Variants in CECR2 observed in about 807,000 individuals in gnomAD.
CECR2 encodes CECR2 histone acetyl-lysine reader, also known as chromatin remodeling regulator CECR2.
Under a neutral mutation model 154.5 loss-of-function variants are expected in CECR2, and 30 were observed. That is an observed-to-expected ratio of 0.19 (90% confidence interval 0.15 to 0.26). The LOEUF is 0.26. Ranked by LOEUF, CECR2 falls within the 10% of genes least tolerant of loss-of-function variation. The pLI, the probability that CECR2 is intolerant of heterozygous loss-of-function variation, is 1.00. For missense variants in CECR2, 1,743 were observed against 1,829.3 expected (o/e 0.95, Z 0.86); for synonymous variants, 725 against 683.7 (o/e 1.06, Z -0.94).
At chr22:17,389,357 G>C (rs575693841) in intron 1 of CECR2, among the ~76,000 whole-genome samples, 14 of 152,262 alleles carry the variant, frequency 9.2e-5, no homozygotes, top group Admixed American at 3.9e-4. Flanking sequence ...CTGCCTGCCT[G>C]TCCGGCTAGC....
chr22:17,521,592 T>G (rs1190856515), intron 8 of CECR2, among the ~76,000 whole-genome samples: 2 of 151,934 alleles, frequency 1.3e-5, no homozygotes. Context: ...TTCATGGGGT[T>G]GTTTGATTTT....
At chr22:17,442,489 T>A (rs1263817093) in intron 1 of CECR2, among the ~76,000 whole-genome samples, 2 of 152,250 alleles carry the variant, frequency 1.3e-5, no homozygotes, top group African/African-American at 4.8e-5. Context: ...GGCAGGAGGA[T>A]CACTGGAGCC....
chr22:17,424,696 C>G (rs551734292), intron 1 of CECR2: 5 of 160,296 alleles, frequency 3.1e-5, no homozygotes, highest in African/African-American at 9.6e-5. Flanking sequence ...TGTGGAAATG[C>G]ACCTGCAGCT....
Position 17,537,241 on chromosome 22 carries a change from T to C in CECR2, c.1238+9T>C. ...AAAAAGACTAAAGACCTGTGAGTATTTAGTAACAACAACAACAGCAGTAGC... is the reference window on the plus strand; with the variant it reads ...AAAAAGACTAAAGACCTGTGAGTATCTAGTAACAACAACAACAGCAGTAGC... On this transcript the variant is annotated intron_variant, in intron 10 of 18. Coordinates refer to ENST00000262608, the MANE Select transcript of CECR2 (RefSeq NM_001290047.2). The C allele has an allele frequency of 1.9e-6, 3 of 1,613,510 alleles. No homozygotes were observed. The highest frequency in any genetic ancestry group is 2.5e-6 in the Non-Finnish European group (3 of 1,179,738).
intron 1 of CECR2, among the ~76,000 whole-genome samples, chr22:17,443,375 T>A (rs1247074657): frequency 6.6e-6 from 1 of 152,018 alleles, no homozygotes; most frequent in African/African-American, 2.4e-5. Context: ...TTTTATTATC[T>A]GTGGAATTAA....
At position 17,461,884 on chromosome 22, in the gene CECR2, C is replaced by T. The variant is rs182195859; in HGVS notation, c.127-15704C>T. ...CTTGGCTCACTGCAACCTCCGTCTCCAGGGTTCAAGTGATTCTCCTCCCTC... is the reference window on the plus strand; with the variant it reads ...CTTGGCTCACTGCAACCTCCGTCTCTAGGGTTCAAGTGATTCTCCTCCCTC... On this transcript the variant is annotated intron_variant, in intron 1 of 18. Transcript: ENST00000262608. Among the ~76,000 whole-genome samples, 51 of 151,872 alleles carry T rather than the reference C, an allele frequency of 3.4e-4. 1 individual carries two copies. The East Asian group carries it at 9.6e-3, about 29-fold the overall frequency.
chr22:17,499,564 G>A lies in CECR2; in HGVS notation c.545+15G>A, dbSNP rs773302104. ...TCTTTGAGCAGGTATGTTCTTCAGT[G>A]TTAGGGCATGATAGCTACTGTATTA... On this transcript the variant is annotated intron_variant, in intron 4 of 18. Coordinates refer to ENST00000262608, the MANE Select transcript of CECR2 (RefSeq NM_001290047.2). 1.4e-5 allele frequency: 23 copies of A among 1,593,034 alleles called. No individual in the cohort carries two copies. Among genetic ancestry groups the A allele is most frequent in the Non-Finnish European group, 1.9e-5 (22 of 1,169,466 alleles).
chr22:17,394,001 C>T (rs2053769349), intron 1 of CECR2, among the ~76,000 whole-genome samples: 1 of 151,044 alleles, frequency 6.6e-6, no homozygotes, highest in South Asian at 2.1e-4. Flanking sequence ...AATTCTCCTG[C>T]CTCAGCCTCC....
In CECR2 at chr22:17,542,251, G is replaced by A; in HGVS notation, c.2108G>A (p.Gly703Asp). The A allele has an allele frequency of 6.2e-7, 1 of 1,610,946 alleles. No individual in the cohort carries two copies. Among genetic ancestry groups the A allele is most frequent in the Non-Finnish European group, 8.5e-7 (1 of 1,178,556 alleles). ...CGGLTHLSNM[G>D]PHPGSLQLGQ... ...GGGCTGACACACCTTTCTAACATGG[G>A]CCCACACCCTGGATCCTTGCAGCTT... The change falls in exon 16 of 19, where the codon GGC becomes GAC. Residue 703 changes from glycine (G) to aspartate (D), a missense_variant. Transcript: ENST00000262608.
At chr22:17,482,207 A>G (rs1291317330) in intron 2 of CECR2, among the ~76,000 whole-genome samples, 1 of 147,404 alleles carries the variant, frequency 6.8e-6, no homozygotes, top group East Asian at 2.1e-4. Context: ...GGTGGATCAC[A>G]AGGTCAGAAG....
chr22:17,516,079 T>G (rs2056048226), intron 8 of CECR2, among the ~76,000 whole-genome samples: 1 of 152,156 alleles, frequency 6.6e-6, no homozygotes, highest in African/African-American at 2.4e-5. Flanking sequence ...TATATATGTA[T>G]GTGACTTCTT....
chr22:17,467,363 C>A (rs1186021614), intron 1 of CECR2, among the ~76,000 whole-genome samples: 1 of 152,072 alleles, frequency 6.6e-6, no homozygotes, highest in East Asian at 1.9e-4. Context: ...TCTGTAGATG[C>A]CATGAAACCC....
chr22:17,448,586 A>AT, intron 1 of CECR2, among the ~76,000 whole-genome samples: 1 of 152,178 alleles, frequency 6.6e-6, no homozygotes, highest in Admixed American at 6.6e-5. Flanking sequence ...TACACGGTTG[A>AT]TTTTCCATAA....
rs695558 is a variant in CECR2 at position 17,556,152 on chromosome 22, CCTT to C, written c.*3314_*3316del. On this transcript the variant is annotated 3_prime_UTR_variant, in exon 19 of 19. Transcript: ENST00000262608. The stretch of plus-strand genomic sequence containing the variant: ...CTTTCCATCCCACCTCTCCGCCTCT[CCTT>C]CATCACCAGCCTTCATCAGGTTGGT... The C allele has an allele frequency of 0.53, 80,573 of 151,646 alleles. 22,036 individuals are homozygous for C. Among genetic ancestry groups the C allele is most frequent in the East Asian group, 0.61 (3,137 of 5,154 alleles). The allele number at this position is 151,646 out of a possible 1,614,324, so 9.4% of individuals were successfully genotyped here.
At chr22:17,437,144 G>A (rs1263421611) in intron 1 of CECR2, among the ~76,000 whole-genome samples, 2 of 152,110 alleles carry the variant, frequency 1.3e-5, no homozygotes, top group African/African-American at 4.8e-5. Flanking sequence ...CTGCTCGAGT[G>A]TTAGTGCCAT....
chr22:17,367,388 T>A (rs191665066), upstream of CECR2, among the ~76,000 whole-genome samples: 2,103 of 152,120 alleles, frequency 0.014, 53 homozygotes, highest in African/African-American at 0.048. Flanking sequence ...TTTTTTTTTT[T>A]AATTTTTATT....
chr22:17,426,186 T>C (rs943871313), intron 1 of CECR2, among the ~76,000 whole-genome samples: 2 of 152,066 alleles, frequency 1.3e-5, no homozygotes, highest in African/African-American at 2.4e-5. Flanking sequence ...ACACTGGTCT[T>C]TAAAAAAACA....
intron 7 of CECR2, among the ~76,000 whole-genome samples, chr22:17,510,687 C>T (rs887037718): frequency 5.3e-5 from 8 of 152,126 alleles, no homozygotes; most frequent in Non-Finnish European, 1.0e-4. Flanking sequence ...CTGCAAGCTC[C>T]GCCTGCCAGG....
At chr22:17,437,653 A>T (rs538414851) in intron 1 of CECR2, among the ~76,000 whole-genome samples, 3 of 152,054 alleles carry the variant, frequency 2.0e-5, no homozygotes, top group African/African-American at 7.2e-5. Flanking sequence ...CTTTTTTATG[A>T]CTTCTTTTTA....
Sources: gnomAD v4.1 joint callset for allele counts (sites outside exome capture counted in the v4.1 genomes callset) on GRCh38, gnomAD v4.1.1 for gene constraint, MANE v1.5 for transcripts, NCBI Gene and HGNC (gene_info 2026-07-23, HGNC 2026-07-21) for gene names.